Variants in GRIA1 observed in about 807,000 individuals in gnomAD.
GRIA1 encodes the protein glutamate receptor 1.
GRIA1 carries 31 observed loss-of-function variants against 99.2 expected under a neutral mutation model. That is an observed-to-expected ratio of 0.31 (90% CI 0.23 to 0.42). The LOEUF (loss-of-function observed/expected upper bound fraction) is 0.42, where lower values mean the gene tolerates loss of function less well. Among genes scored for constraint, GRIA1 ranks in the 10% least tolerant of loss-of-function variants. GRIA1 has a pLI of 1.00. For synonymous variants in GRIA1, 438 were observed against 432.4 expected (o/e 1.01, Z -0.16); for missense variants, 782 against 1,157.5 (o/e 0.68, Z 4.71).
At chr5:153,686,435 A>G (rs1455626084) in intron 8 of GRIA1, 106 bp downstream of exon 8, 2 of 730,218 alleles carry the variant, frequency 2.7e-6, no homozygotes, top group East Asian at 5.6e-5. Context: ...GGATCTTTGA[A>G]GAAACTCAGA....
chr5:153,497,220 A>G (rs1304812959), intron 2 of GRIA1, among the ~76,000 whole-genome samples: 8 of 152,108 alleles, frequency 5.3e-5, no homozygotes. Context: ...TCCTTTAAGC[A>G]CTTTTCCAAG....
chr5:153,768,391 A>T (rs948167219), intron 12 of GRIA1, among the ~76,000 whole-genome samples: 13 of 152,136 alleles, frequency 8.5e-5, no homozygotes, highest in African/African-American at 3.1e-4. Context: ...AGGCCCAAAG[A>T]GAAGGGACTC....
intron 2 of GRIA1, among the ~76,000 whole-genome samples, chr5:153,513,293 T>A (rs1329197506): frequency 6.6e-6 from 1 of 152,074 alleles, no homozygotes; most frequent in East Asian, 1.9e-4. Flanking sequence ...TTTTGACAGT[T>A]CTGCTGAGGG....
intron 11 of GRIA1, among the ~76,000 whole-genome samples, chr5:153,761,701 G>T (rs542658356): frequency 6.6e-6 from 1 of 152,258 alleles, no homozygotes; most frequent in South Asian, 2.1e-4. Flanking sequence ...GTACATCAAA[G>T]AGATATCTGG....
chr5:153,539,798 G>T (rs1202988747), intron 2 of GRIA1, among the ~76,000 whole-genome samples: 12 of 152,194 alleles, frequency 7.9e-5, no homozygotes, highest in Admixed American at 7.2e-4. Context: ...GATATTATAA[G>T]ATTCAAACCA....
At chr5:153,591,662 A>G (rs1362280766) in intron 2 of GRIA1, among the ~76,000 whole-genome samples, 4 of 152,194 alleles carry the variant, frequency 2.6e-5, no homozygotes, top group African/African-American at 9.7e-5. Context: ...TGGATGAACT[A>G]AAGAAGAAAT....
At chr5:153,521,284 A>T (rs1757121058) in intron 2 of GRIA1, among the ~76,000 whole-genome samples, 1 of 152,240 alleles carries the variant, frequency 6.6e-6, no homozygotes, top group Non-Finnish European at 1.5e-5. Flanking sequence ...AGAAGAGTTT[A>T]TGCAGAGTAA....
chr5:153,541,865 G>A (rs1406097542), intron 2 of GRIA1, among the ~76,000 whole-genome samples: 3 of 144,644 alleles, frequency 2.1e-5, no homozygotes, highest in Non-Finnish European at 4.5e-5. Flanking sequence ...GGGAGGTGGA[G>A]GTTGCAGTGA....
At chr5:153,798,209 C>G (rs890049142) in intron 14 of GRIA1, among the ~76,000 whole-genome samples, 1 of 152,184 alleles carries the variant, frequency 6.6e-6, no homozygotes, top group Admixed American at 6.5e-5. Flanking sequence ...AATCCACCTC[C>G]CCATAATTTT....
intron 2 of GRIA1, among the ~76,000 whole-genome samples, chr5:153,549,967 CG>C (rs1759983159): frequency 6.6e-6 from 1 of 152,098 alleles, no homozygotes; most frequent in Non-Finnish European, 1.5e-5. Context: ...CGCTTACTAT[CG>C]GTATGAAATT....
chr5:153,669,878 T>A (rs914129428), intron 5 of GRIA1, among the ~76,000 whole-genome samples: 1 of 152,148 alleles, frequency 6.6e-6, no homozygotes, highest in African/African-American at 2.4e-5. Context: ...ACCCCCAACA[T>A]CCCCTTCTCA....
At chr5:153,518,070 A>C (rs577030158) in intron 2 of GRIA1, among the ~76,000 whole-genome samples, 115 of 152,174 alleles carry the variant, frequency 7.6e-4, no homozygotes, top group Admixed American at 1.5e-3. Flanking sequence ...GTTAAATCTC[A>C]TCATGGCTGG....
In GRIA1 at chr5:153,514,126, G is replaced by A. The variant is rs550241666; in HGVS notation, c.220+20061G>A. 9.2e-5 allele frequency among the ~76,000 whole-genome samples: 14 copies of A among 152,316 alleles called. No homozygotes were observed. The East Asian group carries it at 2.3e-3, about 25-fold the overall frequency. On this transcript the variant is annotated intron_variant, in intron 2 of 15. Coordinates refer to ENST00000285900, the MANE Select transcript of GRIA1 (RefSeq NM_000827.4). ...GCTTTCCTGGCTGTGTAGGTGGCAA[G>A]CATCACACTCTCAAGGGAGTAAAAC...
At chr5:153,803,802 C>T (rs1766216547) in intron 15 of GRIA1, among the ~76,000 whole-genome samples, 1 of 152,204 alleles carries the variant, frequency 6.6e-6, no homozygotes, top group Admixed American at 6.5e-5. Context: ...ACTCTTGGAT[C>T]CATACATAGC....
chr5:153,558,853 G>A (rs927945451), intron 2 of GRIA1, among the ~76,000 whole-genome samples: 20 of 152,034 alleles, frequency 1.3e-4, no homozygotes, highest in Middle Eastern at 3.4e-3. Flanking sequence ...TTCCCAAAAC[G>A]GTCCAGGGCT....
intron 2 of GRIA1, among the ~76,000 whole-genome samples, chr5:153,534,478 A>G (rs967766906): frequency 8.5e-5 from 13 of 152,260 alleles, no homozygotes; most frequent in African/African-American, 3.1e-4. Flanking sequence ...GAAAACCTTG[A>G]TAATAGCAAT....
intron 11 of GRIA1, among the ~76,000 whole-genome samples, chr5:153,752,650 C>T (rs978043569): frequency 6.6e-6 from 1 of 152,182 alleles, no homozygotes; most frequent in African/African-American, 2.4e-5. Context: ...GGCATATTCA[C>T]TTTTATCTCC....
chr5:153,489,712 C>T (rs1272281742), upstream of GRIA1: 5 of 446,668 alleles, frequency 1.1e-5, no homozygotes, highest in Non-Finnish European at 1.8e-5. Flanking sequence ...TCAGCAGAAG[C>T]CCTGGTCTAG....
At chr5:153,585,247 C>T (rs1410410382) in intron 2 of GRIA1, among the ~76,000 whole-genome samples, 1 of 151,564 alleles carries the variant, frequency 6.6e-6, no homozygotes, top group African/African-American at 2.4e-5. Flanking sequence ...CCTTCCCCCT[C>T]CCCTCATTTC....
Sources: gnomAD v4.1 joint callset for allele counts (sites outside exome capture counted in the v4.1 genomes callset) on GRCh38, gnomAD v4.1.1 for gene constraint, MANE v1.5 for transcripts, NCBI Gene and HGNC (gene_info 2026-07-23, HGNC 2026-07-21) for gene names.